The following MAN1A1 variants were observed in gnomAD, a reference collection of about 807,000 sequenced individuals.
MAN1A1 encodes the protein mannosyl-oligosaccharide 1,2-alpha-mannosidase IA.
MAN1A1 carries 29 observed loss-of-function variants against 70.8 expected under a neutral mutation model. That is an observed-to-expected ratio of 0.41 (90% CI 0.31 to 0.56). The LOEUF (loss-of-function observed/expected upper bound fraction) is 0.56. Ranked by LOEUF, MAN1A1 falls within the 20% of genes least tolerant of loss-of-function variation. The pLI is 0.29. For missense variants in MAN1A1, 747 were observed against 841.3 expected (o/e 0.89, Z 1.39); for synonymous variants, 349 against 330.1 (o/e 1.06, Z -0.62).
intron 3 of MAN1A1, among the ~76,000 whole-genome samples, chr6:119,306,279 AC>A (rs1185767746): frequency 6.6e-6 from 1 of 152,086 alleles, no homozygotes; most frequent in East Asian, 1.9e-4. Context: ...AATCCATGAC[AC>A]CCTTGTGTTA....
At chr6:119,207,632 G>A (rs922305286) in intron 6 of MAN1A1, among the ~76,000 whole-genome samples, 2 of 152,168 alleles carry the variant, frequency 1.3e-5, no homozygotes, top group African/African-American at 4.8e-5. Context: ...GATTGAGGGA[G>A]ATGAACTGAA....
intron 11 of MAN1A1, among the ~76,000 whole-genome samples, chr6:119,184,721 C>G (rs1327203292): frequency 6.6e-6 from 1 of 151,750 alleles, no homozygotes; most frequent in East Asian, 1.9e-4. Flanking sequence ...AAAAAACCCC[C>G]TAAAGCCAAA....
At chr6:119,229,966 C>G (rs899972895) in intron 6 of MAN1A1, among the ~76,000 whole-genome samples, 1 of 152,120 alleles carries the variant, frequency 6.6e-6, no homozygotes, top group African/African-American at 2.4e-5. Context: ...AACTTGCTAG[C>G]TGTGTCAAAT....
At chr6:119,185,161 T>G (rs894321059) in intron 11 of MAN1A1, among the ~76,000 whole-genome samples, 1 of 152,170 alleles carries the variant, frequency 6.6e-6, no homozygotes, top group Non-Finnish European at 1.5e-5. Context: ...ATGCTGGGAT[T>G]ACAGGCTTGA....
intron 5 of MAN1A1, chr6:119,268,984 G>GA (rs1345708324): frequency 1.3e-5 from 2 of 152,542 alleles, no homozygotes; most frequent in Non-Finnish European, 2.9e-5. Context: ...AAAGGCAGTT[G>GA]AATAATGCCG....
intron 5 of MAN1A1, among the ~76,000 whole-genome samples, chr6:119,284,837 T>A (rs1403254479): frequency 6.6e-6 from 1 of 152,232 alleles, no homozygotes; most frequent in Middle Eastern, 3.2e-3. Flanking sequence ...ATGATGTACA[T>A]ATTTTCCTAA....
intron 5 of MAN1A1, among the ~76,000 whole-genome samples, chr6:119,279,007 T>A (rs997312602): frequency 1.3e-5 from 2 of 152,104 alleles, no homozygotes; most frequent in Non-Finnish European, 2.9e-5. Context: ...TATTCTTTTA[T>A]AGCAATACAA....
chr6:119,296,929 C>T (rs1260366108), intron 4 of MAN1A1, among the ~76,000 whole-genome samples: 2 of 152,150 alleles, frequency 1.3e-5, no homozygotes, highest in East Asian at 3.9e-4. Context: ...TCCAGAAATA[C>T]AGCTTTAAGG....
chr6:119,223,375 C>T (rs577703859), intron 6 of MAN1A1, among the ~76,000 whole-genome samples: 2 of 152,072 alleles, frequency 1.3e-5, no homozygotes, highest in South Asian at 2.1e-4. Flanking sequence ...AAACCAAACA[C>T]CACCAAATCT....
At chr6:119,204,279 C>T (rs1773797949) in intron 7 of MAN1A1, among the ~76,000 whole-genome samples, 1 of 152,006 alleles carries the variant, frequency 6.6e-6, no homozygotes, top group Admixed American at 6.6e-5. Flanking sequence ...CTCTTTCAAG[C>T]AATTTTACTG....
chr6:119,236,341 G>C (rs924530431), intron 6 of MAN1A1, among the ~76,000 whole-genome samples: 3 of 152,126 alleles, frequency 2.0e-5, no homozygotes, highest in Admixed American at 6.6e-5. Flanking sequence ...CAAAAGCTTG[G>C]ATGGAGATGT....
intron 2 of MAN1A1, among the ~76,000 whole-genome samples, chr6:119,311,138 A>T (rs1772689119): frequency 6.6e-6 from 1 of 152,226 alleles, no homozygotes; most frequent in Non-Finnish European, 1.5e-5. Flanking sequence ...TGATTAAATA[A>T]AACAAGGCAT....
intron 5 of MAN1A1, among the ~76,000 whole-genome samples, chr6:119,266,191 T>C (rs1234285866): frequency 6.6e-6 from 1 of 152,186 alleles, no homozygotes; most frequent in Admixed American, 6.5e-5. Flanking sequence ...CTTGGAATAA[T>C]AGATTACTGC....
At chr6:119,300,875 C>A (rs1772372815) in intron 4 of MAN1A1, among the ~76,000 whole-genome samples, 1 of 152,124 alleles carries the variant, frequency 6.6e-6, no homozygotes, top group African/African-American at 2.4e-5. Context: ...GTATATATAG[C>A]AATTAATTAG....
intron 11 of MAN1A1, among the ~76,000 whole-genome samples, chr6:119,181,451 GTTTTT>G (rs35283286): frequency 6.8e-6 from 1 of 146,956 alleles, no homozygotes; most frequent in Non-Finnish European, 1.5e-5. Context: ...TAAAATACAT[GTTTTT>G]TTTTTTTTTC....
intron 8 of MAN1A1, among the ~76,000 whole-genome samples, chr6:119,195,456 G>T (rs1040274868): frequency 3.9e-5 from 6 of 152,126 alleles, no homozygotes; most frequent in African/African-American, 1.2e-4. Context: ...CTCATACTTC[G>T]TATCTGGGAC....
chr6:119,216,134 A>G (rs1426393679), intron 6 of MAN1A1, among the ~76,000 whole-genome samples: 1 of 152,216 alleles, frequency 6.6e-6, no homozygotes, highest in African/African-American at 2.4e-5. Flanking sequence ...CAGATTACAC[A>G]GGGACACTAG....
At chr6:119,263,017 A>G (rs1484963469) in intron 5 of MAN1A1, among the ~76,000 whole-genome samples, 2 of 152,112 alleles carry the variant, frequency 1.3e-5, no homozygotes, top group Non-Finnish European at 2.9e-5. Context: ...AAAAGGAGAG[A>G]TGGGCTTAGC....
chr6:119,276,819 C>T (rs1776079091), intron 5 of MAN1A1, among the ~76,000 whole-genome samples: 1 of 152,118 alleles, frequency 6.6e-6, no homozygotes, highest in Non-Finnish European at 1.5e-5. Flanking sequence ...AATATGATTA[C>T]ACAAGTAAAT....
Sources: gnomAD v4.1 joint callset for allele counts (sites outside exome capture counted in the v4.1 genomes callset) on GRCh38, gnomAD v4.1.1 for gene constraint, MANE v1.5 for transcripts, NCBI Gene and HGNC (gene_info 2026-07-23, HGNC 2026-07-21) for gene names.